Variants in ZC3H14 observed in about 807,000 individuals in gnomAD.
ZC3H14 encodes the protein zinc finger CCCH domain-containing protein 14.
In ZC3H14, 31 loss-of-function variants were observed where a neutral mutation model predicts 92.4. The observed-to-expected ratio is 0.34, with a 90% CI of 0.25 to 0.45. The LOEUF (loss-of-function observed/expected upper bound fraction) is 0.45. Ranked by LOEUF, ZC3H14 falls within the 20% of genes least tolerant of loss-of-function variation. The pLI, the probability that ZC3H14 is intolerant of heterozygous loss-of-function variation, is 1.00. For missense variants in ZC3H14, 781 were observed against 897.3 expected (o/e 0.87, Z 1.66); for synonymous variants, 321 against 300.9 (o/e 1.07, Z -0.69).
chr14:88,574,707 G>C lies in ZC3H14; in HGVS notation c.876G>C (p.Arg292=), dbSNP rs375410163. The C allele has an allele frequency of 3.1e-6, 5 of 1,613,926 alleles. No homozygotes were observed. The African/African-American group carries it at 6.7e-5, about 22-fold the overall frequency. The change falls in exon 7 of 17, where the codon CGG becomes CGC. Residue 292 remains arginine, a synonymous_variant. Transcript: ENST00000251038. ...EKMSMEDENF[R]KRKLPVVSSV... Reference sequence around the variant, plus strand: ...TCTGATTGCAGGATGAAAACTTTCGGAAGAGAAAGTTGCCTGTGGTAAGTT... The same window carrying C: ...TCTGATTGCAGGATGAAAACTTTCGCAAGAGAAAGTTGCCTGTGGTAAGTT...
chr14:88,585,922 A>C (rs1406880889), intron 9 of ZC3H14, among the ~76,000 whole-genome samples: 1 of 152,150 alleles, frequency 6.6e-6, no homozygotes, highest in East Asian at 1.9e-4. Flanking sequence ...TAATCCCAGC[A>C]CTTTGGGAGG....
In ZC3H14 at chr14:88,581,529, C is replaced by T. The variant is rs538086166; in HGVS notation, c.1279+3389C>T. On this transcript the variant is annotated intron_variant, in intron 9 of 16. Transcript: ENST00000251038. The stretch of plus-strand genomic sequence containing the variant: ...TGAGCCAAGATTGTGCCACCGTACT[C>T]CAGCCTGGGCAACAGAGTGAGATTC... 2.2e-4 allele frequency among the ~76,000 whole-genome samples: 33 copies of T among 152,152 alleles called. 1 individual carries two copies. In the South Asian group the frequency reaches 6.2e-3, roughly 29 times the overall value.
rs530497548 is a variant in ZC3H14, at chr14:88,622,815, T to A, written c.*11064T>A. On this transcript the variant is annotated 3_prime_UTR_variant, in exon 17 of 17. Transcript: ENST00000251038. Reference sequence around the variant, plus strand: ...AGTTATAAGCAGAATCTTTTTTTTTTAAAAAGGCCCTGATATTTATAATTT... The same window carrying A: ...AGTTATAAGCAGAATCTTTTTTTTTAAAAAAGGCCCTGATATTTATAATTT... The A allele has an allele frequency of 9.2e-5, 68 of 742,900 alleles. 1 individual carries two copies. The African/African-American group carries it at 1.0e-3, about 11-fold the overall frequency. The allele number at this position is 742,900 out of a possible 1,614,324, so 46.0% of individuals were successfully genotyped here.
At chr14:88,593,165 G>A (rs1275385811) in intron 9 of ZC3H14, among the ~76,000 whole-genome samples, 7 of 151,788 alleles carry the variant, frequency 4.6e-5, no homozygotes, top group African/African-American at 1.7e-4. Context: ...ACGGGATTTC[G>A]CCACATTGGT....
At chr14:88,609,866 CTTT>C in intron 15 of ZC3H14, 63 bp downstream of exon 15, 1 of 1,549,058 alleles carries the variant, frequency 6.5e-7, no homozygotes, top group Non-Finnish European at 8.9e-7. Context: ...CATTTAACTT[CTTT>C]TTTGTCAGAG....
intron 3 of ZC3H14, among the ~76,000 whole-genome samples, chr14:88,569,511 G>A (rs938692363): frequency 1.3e-5 from 2 of 152,128 alleles, no homozygotes; most frequent in African/African-American, 4.8e-5. Context: ...AAGATGCTAG[G>A]TCCTGGTACC....
intron 11 of ZC3H14, 132 bp from the exon 12 acceptor site, chr14:88,602,696 C>G (rs1249229209): frequency 3.2e-6 from 3 of 923,722 alleles, no homozygotes; most frequent in East Asian, 5.3e-5. Context: ...ACCTGGTAGC[C>G]CTACCTAGTC....
intron 9 of ZC3H14, among the ~76,000 whole-genome samples, chr14:88,593,220 C>T (rs2083378959): frequency 6.6e-6 from 1 of 152,132 alleles, no homozygotes; most frequent in Non-Finnish European, 1.5e-5. Flanking sequence ...CCCACCTTGG[C>T]CTCCCAAAAT....
intron 3 of ZC3H14, among the ~76,000 whole-genome samples, chr14:88,570,162 C>T (rs2080208964): frequency 6.6e-6 from 1 of 152,136 alleles, no homozygotes. Flanking sequence ...TGTAGTGAAG[C>T]AAAGGGTGAT....
At chr14:88,608,419 TTTTG>T (rs1200399726) in intron 13 of ZC3H14, 2 of 331,838 alleles carry the variant, frequency 6.0e-6, no homozygotes, top group Non-Finnish European at 1.2e-5. Flanking sequence ...TTACACCTTA[TTTTG>T]TTTTTGTTTT....
At chr14:88,563,403 C>T (rs1036088120) in intron 1 of ZC3H14, 2 of 1,430,690 alleles carry the variant, frequency 1.4e-6, no homozygotes, top group Non-Finnish European at 1.8e-6. Context: ...GGCGCAGGCC[C>T]GGCTGGAGCC....
chr14:88,593,393 T>C (rs1345507736), intron 9 of ZC3H14, among the ~76,000 whole-genome samples: 2 of 152,096 alleles, frequency 1.3e-5, no homozygotes, highest in East Asian at 3.9e-4. Flanking sequence ...AAAATTCATA[T>C]GGAAATAAAA....
intron 9 of ZC3H14, chr14:88,595,036 C>G (rs768275320): frequency 1.9e-6 from 3 of 1,613,474 alleles, no homozygotes; most frequent in Middle Eastern, 1.7e-4. Context: ...GTTTGAAGAT[C>G]AAGAAGAAGA....
intron 15 of ZC3H14, 72 bp from the exon 16 acceptor site, chr14:88,610,762 C>G: frequency 6.8e-7 from 1 of 1,480,098 alleles, no homozygotes; most frequent in Non-Finnish European, 9.4e-7. Flanking sequence ...GACCCTGTCT[C>G]AAATAATAAA....
rs1303099040 is a variant in ZC3H14 at position 88,614,306 on chromosome 14, G to A, written c.*2555G>A. On this transcript the variant is annotated 3_prime_UTR_variant, in exon 17 of 17. Transcript: ENST00000251038. ...GCTTAATTTAGGAGAATCCACTGATGAACAAGTACCAACTTACGTTTCAAG... is the reference window on the plus strand; with the variant it reads ...GCTTAATTTAGGAGAATCCACTGATAAACAAGTACCAACTTACGTTTCAAG... 3 of 152,188 alleles carry A rather than the reference G, an allele frequency of 2.0e-5. No homozygotes were observed. The highest frequency in any genetic ancestry group is 3.2e-3 in the Middle Eastern group (1 of 316). 9.4% of individuals were successfully genotyped at this position (152,188 alleles called of 1,614,324 possible). A position where few individuals can be genotyped will look rare whatever the true frequency, so the allele number is the denominator to read the frequency against.
intron 16 of ZC3H14, 55 bp downstream of exon 16, chr14:88,610,995 G>A (rs1369734114): frequency 1.3e-6 from 2 of 1,547,320 alleles, no homozygotes. Flanking sequence ...TTTCTAATTT[G>A]CAGTTTCTAA....
chr14:88,575,751 G>T, intron 7 of ZC3H14, 89 bp from the exon 8 acceptor site: 2 of 1,067,960 alleles, frequency 1.9e-6, no homozygotes. Context: ...AAAACCTAGA[G>T]AAGGTTGTGG....
Position 88,614,244 on chromosome 14 carries a change from T to G in ZC3H14, c.*2493T>G, listed in dbSNP as rs1390485951. 6.6e-6 allele frequency: 1 copy of G among 152,204 alleles called. No individual in the cohort carries two copies. Among genetic ancestry groups the G allele is most frequent in the Admixed American group, 6.5e-5 (1 of 15,280 alleles). The allele number at this position is 152,204 out of a possible 1,614,324, so 9.4% of individuals were successfully genotyped here. ...AATTTATTGACTGACTGTAAATACATGAGTAGAAACTTAATAGTCATGTAT... is the reference window on the plus strand; with the variant it reads ...AATTTATTGACTGACTGTAAATACAGGAGTAGAAACTTAATAGTCATGTAT... On this transcript the variant is annotated 3_prime_UTR_variant, in exon 17 of 17. Coordinates refer to ENST00000251038, the MANE Select transcript of ZC3H14 (RefSeq NM_024824.5).
chr14:88,622,553 T>C lies in ZC3H14; in HGVS notation c.*10802T>C. 7.2e-7 allele frequency: 1 copy of C among 1,398,332 alleles called. No individual in the cohort carries two copies. The highest frequency in any genetic ancestry group is 9.7e-7 in the Non-Finnish European group (1 of 1,033,280). The allele number at this position is 1,398,332 out of a possible 1,614,324, so 86.6% of individuals were successfully genotyped here. A position where few individuals can be genotyped will look rare whatever the true frequency, so the allele number is the denominator to read the frequency against. ...GCAAAGGGTGAGGGAATCACAGTAATAACCACTTTCTGTTTTCTGCTGCAC... is the reference window on the plus strand; with the variant it reads ...GCAAAGGGTGAGGGAATCACAGTAACAACCACTTTCTGTTTTCTGCTGCAC... On this transcript the variant is annotated 3_prime_UTR_variant, in exon 17 of 17. Coordinates refer to ENST00000251038, the MANE Select transcript of ZC3H14 (RefSeq NM_024824.5).
Sources: allele counts gnomAD v4.1 joint callset (sites outside exome capture counted in the v4.1 genomes callset), GRCh38; gene constraint gnomAD v4.1.1; transcripts MANE v1.5; gene names NCBI Gene and HGNC (gene_info 2026-07-23, HGNC 2026-07-21).